Variants in AKT2 observed in about 807,000 individuals in gnomAD.
The protein encoded by AKT2 is RAC-beta serine/threonine-protein kinase.
A neutral mutation model predicts 58.6 loss-of-function variants in AKT2; 16 were observed. The observed-to-expected ratio is 0.27, with a 90% CI of 0.18 to 0.41. The LOEUF is 0.41. AKT2 is among the 10% of genes least tolerant of loss of function. The pLI, the probability that AKT2 is intolerant of heterozygous loss-of-function variation, is 1.00. For synonymous variants in AKT2, 253 were observed against 254.0 expected (o/e 1.00, Z 0.04); for missense variants, 438 against 661.0 (o/e 0.66, Z 3.70).
intron 1 of AKT2, among the ~76,000 whole-genome samples, chr19:40,272,138 G>C (rs144403591): frequency 6.6e-6 from 1 of 152,210 alleles, no homozygotes; most frequent in African/African-American, 2.4e-5. Flanking sequence ...CTATGACAAT[G>C]AGGAAACTGA....
chr19:40,238,158 G>A lies in AKT2; in HGVS notation c.709-67C>T, dbSNP rs2145179727. The A allele has an allele frequency of 1.3e-6, 2 of 1,542,566 alleles. No homozygotes were observed. Among genetic ancestry groups the A allele is most frequent in the East Asian group, 2.4e-5 (1 of 41,426 alleles). ...CCACCCACCTGCCCTCACCTTCCCA[G>A]CCCCCTGCCCCAGCGCAGTGATGTG... On this transcript the variant is annotated intron_variant, in intron 8 of 13. Coordinates refer to ENST00000392038, the MANE Select transcript of AKT2 (RefSeq NM_001626.6). This position sits in a 1 kb window ranked among gnomAD's most constrained non-coding sequence, Gnocchi z 5.1.
intron 1 of AKT2, chr19:40,270,531 G>A (rs1305489022): frequency 2.0e-5 from 3 of 152,298 alleles, no homozygotes; most frequent in Non-Finnish European, 2.9e-5. Context: ...AGATGGGCTA[G>A]GGAGGCAGGT....
chr19:40,234,852 G>T lies in AKT2; in HGVS notation c.1366+193C>A, dbSNP rs1415382195. The stretch of plus-strand genomic sequence containing the variant: ...CGACTGAGCTCCAGAACGTGCTGCA[G>T]TCAATGGCTCCTGGTGGCCTCACCA... On this transcript the variant is annotated intron_variant, in intron 13 of 13. Coordinates refer to ENST00000392038, the MANE Select transcript of AKT2 (RefSeq NM_001626.6). The surrounding 1 kb of genome is among the most constrained non-coding windows in gnomAD (Gnocchi z 4.7). 1.5e-6 allele frequency: 1 copy of T among 680,518 alleles called. No individual in the cohort carries two copies. The highest frequency in any genetic ancestry group is 1.6e-5 in the South Asian group (1 of 63,628). 42.2% of individuals were successfully genotyped at this position (680,518 alleles called of 1,614,324 possible).
In AKT2 at chr19:40,237,443, G is replaced by A. The variant is rs546746443; in HGVS notation, c.831+526C>T. On this transcript the variant is annotated intron_variant, in intron 9 of 13. Transcript: ENST00000392038. The surrounding 1 kb of genome is among the most constrained non-coding windows in gnomAD (Gnocchi z 4.5). ...GGGTGGATCACAAGGTCAGGAGTTT[G>A]AGACCAGCCTGGCCAATATGATGAA... 10 of 158,592 alleles carry A rather than the reference G, an allele frequency of 6.3e-5. No individual in the cohort carries two copies. The highest frequency in any genetic ancestry group is 5.4e-4 in the Admixed American group (9 of 16,640). The allele number at this position is 158,592 out of a possible 1,614,324, so 9.8% of individuals were successfully genotyped here. A position where few individuals can be genotyped will look rare whatever the true frequency, so the allele number is the denominator to read the frequency against.
At position 40,231,606 on chromosome 19, in the gene AKT2, T is replaced by A. The variant is rs931555348; in HGVS notation, c.*2266A>T. The A allele has an allele frequency of 6.4e-5, 15 of 233,260 alleles. No individual in the cohort carries two copies. Among genetic ancestry groups the A allele is most frequent in the Non-Finnish European group, 1.3e-4 (15 of 118,082 alleles). The allele number at this position is 233,260 out of a possible 1,614,324, so 14.4% of individuals were successfully genotyped here. A position where few individuals can be genotyped will look rare whatever the true frequency, so the allele number is the denominator to read the frequency against. On this transcript the variant is annotated 3_prime_UTR_variant, in exon 14 of 14. Coordinates refer to ENST00000392038, the MANE Select transcript of AKT2 (RefSeq NM_001626.6). ...TCAAATTCATCTGTGCCAGGCCCTC[T>A]GCACAGCAGGGCTCAGCAGGGCAGG...
At position 40,275,144 on chromosome 19, in the gene AKT2, C is replaced by G. The variant is rs1388697556; in HGVS notation, c.-84-9793G>C. ...AGGGACACAGCCAAGGAGCCCGGAC[C>G]CCTCTCCTCCGAGCCCTGAGCTGCC... On this transcript the variant is annotated intron_variant, in intron 1 of 13. Transcript: ENST00000392038. The G allele has an allele frequency of 8.8e-6, 4 of 456,688 alleles. No individual in the cohort carries two copies. In the East Asian group the frequency reaches 2.8e-4, roughly 32 times the overall value. The allele number at this position is 456,688 out of a possible 1,614,324, so 28.3% of individuals were successfully genotyped here.
intron 4 of AKT2, among the ~76,000 whole-genome samples, chr19:40,252,074 G>A (rs559447325): frequency 3.3e-5 from 5 of 152,252 alleles, no homozygotes; most frequent in East Asian, 3.9e-4. Context: ...GTGAGGAGGC[G>A]CTGCAGCACC....
chr19:40,235,118 C>T lies in AKT2; in HGVS notation c.1293G>A (p.Thr431=), dbSNP rs747036690. ...CGAAGTACCTTGTGTCGACCTCGGA[C>T]GTGACCTGAGGTTTGAAGGGTGGCA... The part of the protein sequence containing the change: ...KLLPPFKPQV[T]SEVDTRYFDD... Residue 431 remains threonine, a synonymous_variant, in exon 13 of 14, where the codon ACG becomes ACA. Transcript: ENST00000392038. This position sits in a 1 kb window ranked among gnomAD's most constrained non-coding sequence, Gnocchi z 6.3. 37 of 1,613,942 alleles carry T rather than the reference C, an allele frequency of 2.3e-5. No homozygotes were observed. The highest frequency in any genetic ancestry group is 6.7e-5 in the Admixed American group (4 of 59,998).
Position 40,235,176 on chromosome 19 carries a change from G to A in AKT2, c.1264-29C>T, listed in dbSNP as rs1973939329. On this transcript the variant is annotated intron_variant, in intron 12 of 13. Transcript: ENST00000392038. This position sits in a 1 kb window ranked among gnomAD's most constrained non-coding sequence, Gnocchi z 6.3. ...CGGAGGAGAGGAGCTCAGGCTCAGG[G>A]ACCCTGAGGCCAGGAGGCCTCAACC... 1 of 1,613,730 alleles carries A rather than the reference G, an allele frequency of 6.2e-7. No individual in the cohort carries two copies. The highest frequency in any genetic ancestry group is 8.5e-7 in the Non-Finnish European group (1 of 1,179,634).
Position 40,265,346 on chromosome 19 carries a change from C to A in AKT2, c.-79G>T. The A allele has an allele frequency of 6.4e-7, 1 of 1,573,342 alleles. No homozygotes were observed. Among genetic ancestry groups the A allele is most frequent in the Non-Finnish European group, 8.6e-7 (1 of 1,161,206 alleles). On this transcript the variant is annotated 5_prime_UTR_variant, in exon 2 of 14. Coordinates refer to ENST00000392038, the MANE Select transcript of AKT2 (RefSeq NM_001626.6). ...CATGCAGGAGGCACCGTGGACAGGG[C>A]ACAGTCTGCAAGACAAGAGAGGAGC...
At chr19:40,265,775 T>A (rs770545809) in intron 1 of AKT2, among the ~76,000 whole-genome samples, 1 of 152,094 alleles carries the variant, frequency 6.6e-6, no homozygotes, top group African/African-American at 2.4e-5. Context: ...GCCACCAGCA[T>A]CTGCCTGTCC....
At chr19:40,263,366 C>T (rs1160728243) in intron 2 of AKT2, among the ~76,000 whole-genome samples, 2 of 152,224 alleles carry the variant, frequency 1.3e-5, no homozygotes, top group Non-Finnish European at 1.5e-5. Context: ...CACTTTTAGA[C>T]GTGCTGGGGA....
rs1042633924 is a variant in AKT2 at position 40,242,374 on chromosome 19, C to A, written c.441+160G>T. ...CCCTCCCCTACGGGCATGGAGCACA[C>A]CCTAGGGCACCTGCCACCTGAAATC... is the stretch of plus-strand genomic sequence containing the variant. On this transcript the variant is annotated intron_variant, in intron 5 of 13. Coordinates refer to ENST00000392038, the MANE Select transcript of AKT2 (RefSeq NM_001626.6). This position sits in a 1 kb window ranked among gnomAD's most constrained non-coding sequence, Gnocchi z 4.3. The A allele has an allele frequency of 5.8e-6, 7 of 1,199,348 alleles. No homozygotes were observed. Among genetic ancestry groups the A allele is most frequent in the Non-Finnish European group, 7.3e-6 (6 of 823,980 alleles). 74.3% of individuals were successfully genotyped at this position (1,199,348 alleles called of 1,614,324 possible). A position where few individuals can be genotyped will look rare whatever the true frequency, so the allele number is the denominator to read the frequency against.
chr19:40,285,164 C>A lies in AKT2; in HGVS notation c.-85+17G>T, dbSNP rs7253731. ...ATCGTGGGGGGGGCGTTCGGGGACACGCGCTGGCGCACTCACCTGTCACCG... is the reference window on the plus strand; with the variant it reads ...ATCGTGGGGGGGGCGTTCGGGGACAAGCGCTGGCGCACTCACCTGTCACCG... On this transcript the variant is annotated intron_variant, in intron 1 of 13. Coordinates refer to ENST00000392038, the MANE Select transcript of AKT2 (RefSeq NM_001626.6). The A allele has an allele frequency of 2.1e-3, 828 of 393,666 alleles. 7 individuals carry two copies. The highest frequency in any genetic ancestry group is 0.016 in the African/African-American group (764 of 48,442). 24.4% of individuals were successfully genotyped at this position (393,666 alleles called of 1,614,324 possible).
intron 3 of AKT2, among the ~76,000 whole-genome samples, chr19:40,256,339 G>A (rs559674494): frequency 1.1e-4 from 17 of 152,286 alleles, no homozygotes; most frequent in African/African-American, 3.9e-4. Context: ...GTTCTTAGCA[G>A]GCAGAACAAC....
intron 1 of AKT2, 25 bp from the exon 2 acceptor site, chr19:40,265,376 C>A: frequency 1.3e-6 from 2 of 1,545,786 alleles, no homozygotes; most frequent in South Asian, 2.4e-5. Flanking sequence ...AGGAGCTGGT[C>A]AGGGCGGGAG....
At chr19:40,279,911 C>T (rs1041600315) in intron 1 of AKT2, among the ~76,000 whole-genome samples, 1 of 152,196 alleles carries the variant, frequency 6.6e-6, no homozygotes, top group Non-Finnish European at 1.5e-5. Flanking sequence ...AATGGGTCTT[C>T]ACCCAGATCC....
intron 4 of AKT2, among the ~76,000 whole-genome samples, chr19:40,253,048 T>A (rs983345007): frequency 3.9e-5 from 6 of 152,194 alleles, no homozygotes; most frequent in Non-Finnish European, 5.9e-5. Context: ...GTTCCTGAGC[T>A]GTACTGTCCA....
At chr19:40,277,610 G>C (rs2077350490) in intron 1 of AKT2, among the ~76,000 whole-genome samples, 1 of 152,166 alleles carries the variant, frequency 6.6e-6, no homozygotes, top group African/African-American at 2.4e-5. Context: ...ACATGGGCCT[G>C]CTGTTCCACC....
Sources: allele counts gnomAD v4.1 joint callset (sites outside exome capture counted in the v4.1 genomes callset), GRCh38; gene constraint gnomAD v4.1.1; non-coding constraint Gnocchi (gnomAD v3.1); transcripts MANE v1.5; gene names NCBI Gene and HGNC (gene_info 2026-07-23, HGNC 2026-07-21).